The following SPIN1 variants were observed in gnomAD, a reference collection of about 807,000 sequenced individuals.
The protein encoded by SPIN1 is spindlin-1.
SPIN1 carries 3 observed loss-of-function variants against 26.0 expected under a neutral mutation model. That is an observed-to-expected ratio of 0.12 (90% CI 0.05 to 0.30). The LOEUF (loss-of-function observed/expected upper bound fraction) is 0.30. SPIN1 is among the 10% of genes least tolerant of loss of function. SPIN1 has a pLI of 1.00. For synonymous variants in SPIN1, 101 were observed against 116.5 expected (o/e 0.87, Z 0.86); for missense variants, 126 against 333.4 (o/e 0.38, Z 4.84).
At chr9:88,449,049 C>T in intron 3 of SPIN1, 60 bp downstream of exon 3, 1 of 1,552,968 alleles carries the variant, frequency 6.4e-7, no homozygotes, top group Admixed American at 1.7e-5. Context: ...ACGCAGCATA[C>T]AAGATCACCT....
chr9:88,465,657 T>C (rs112183546), intron 4 of SPIN1, among the ~76,000 whole-genome samples: 1 of 152,224 alleles, frequency 6.6e-6, no homozygotes, highest in African/African-American at 2.4e-5. Flanking sequence ...TGATTTTTGT[T>C]GAGTTGTGAG....
In SPIN1 at chr9:88,476,224, T is replaced by C. The variant is rs1372656982; in HGVS notation, c.*947T>C. The C allele has an allele frequency of 6.6e-6, 1 of 152,204 alleles. No homozygotes were observed. Among genetic ancestry groups the C allele is most frequent in the Admixed American group, 6.5e-5 (1 of 15,270 alleles). The allele number at this position is 152,204 out of a possible 1,614,324, so 9.4% of individuals were successfully genotyped here. Reference sequence around the variant, plus strand: ...AGTAATCTGGATTTCAGTACATGGATTTAAAAGGCAACAATCCATCACTGG... The same window carrying C: ...AGTAATCTGGATTTCAGTACATGGACTTAAAAGGCAACAATCCATCACTGG... On this transcript the variant is annotated 3_prime_UTR_variant, in exon 6 of 6. Transcript: ENST00000375859.
At chr9:88,431,359 C>T (rs866011488) in intron 2 of SPIN1, among the ~76,000 whole-genome samples, 3 of 149,184 alleles carry the variant, frequency 2.0e-5, no homozygotes, top group Middle Eastern at 3.7e-3. Flanking sequence ...GGCATGATCT[C>T]GGCTCATTGC....
intron 4 of SPIN1, among the ~76,000 whole-genome samples, chr9:88,463,817 T>C (rs191744713): frequency 6.6e-6 from 1 of 152,342 alleles, no homozygotes; most frequent in Non-Finnish European, 1.5e-5. Context: ...TTCTCATCTA[T>C]TCTTAAGTGT....
chr9:88,394,075 C>T (rs1826998224), intron 1 of SPIN1, among the ~76,000 whole-genome samples: 1 of 152,122 alleles, frequency 6.6e-6, no homozygotes, highest in South Asian at 2.1e-4. Flanking sequence ...TCTCAAACTC[C>T]CAAGCTCAAG....
At chr9:88,401,829 T>G (rs1434237964) in intron 1 of SPIN1, among the ~76,000 whole-genome samples, 1 of 152,246 alleles carries the variant, frequency 6.6e-6, no homozygotes, top group East Asian at 1.9e-4. Flanking sequence ...GTGTCTGTTT[T>G]AAGCCTTTGC....
chr9:88,428,045 T>G (rs1174915087), intron 2 of SPIN1, among the ~76,000 whole-genome samples: 4 of 152,208 alleles, frequency 2.6e-5, no homozygotes, highest in African/African-American at 9.6e-5. Context: ...TCTCATTAAT[T>G]GAAAAAATTG....
chr9:88,404,261 A>G (rs1200890455), intron 1 of SPIN1, among the ~76,000 whole-genome samples: 4 of 152,182 alleles, frequency 2.6e-5, no homozygotes, highest in African/African-American at 7.2e-5. Context: ...ATTGTGCACT[A>G]TTGTAGACTG....
chr9:88,404,915 CAAAAA>C (rs112038274), intron 1 of SPIN1, among the ~76,000 whole-genome samples: 11 of 83,934 alleles, frequency 1.3e-4, no homozygotes, highest in Middle Eastern at 5.9e-3. Context: ...GATTTCGTCT[CAAAAA>C]AAAAAAAAAC....
intron 1 of SPIN1, among the ~76,000 whole-genome samples, chr9:88,399,908 TC>T (rs1339889736): frequency 1.3e-5 from 2 of 152,166 alleles, no homozygotes; most frequent in African/African-American, 2.4e-5. Context: ...CAAATGTAAT[TC>T]CTAATTTGTG....
chr9:88,408,975 GTGTGTT>G (rs1272334901), intron 1 of SPIN1, among the ~76,000 whole-genome samples: 5 of 127,732 alleles, frequency 3.9e-5, no homozygotes, highest in African/African-American at 1.4e-4. Flanking sequence ...TTGTGTTTGT[GTGTGTT>G]TGTGTGTGTG....
At chr9:88,468,290 C>T in intron 4 of SPIN1, 82 bp from the exon 5 acceptor site, 1 of 1,041,514 alleles carries the variant, frequency 9.6e-7, no homozygotes, top group South Asian at 1.9e-5. Context: ...TCAGGTGTAG[C>T]CTTCTTTAGT....
chr9:88,468,427 G>A lies in SPIN1; in HGVS notation c.411G>A (p.Val137=), dbSNP rs199929575. The change falls in exon 5 of 6, where the codon GTG becomes GTA. Residue 137 remains valine (V), a synonymous_variant. Coordinates refer to ENST00000375859, the MANE Select transcript of SPIN1 (RefSeq NM_006717.3). ...HLADTMIGKA[V]EHMFETEDGS... is the part of the protein sequence containing the mutation. ...CAGACACAATGATTGGCAAAGCAGT[G>A]GAACATATGTTTGAGACAGAGGATG... 13 of 1,612,020 alleles carry A rather than the reference G, an allele frequency of 8.1e-6. No individual in the cohort carries two copies. The South Asian group carries it at 8.8e-5, about 11-fold the overall frequency.
At chr9:88,400,096 T>C (rs1374506519) in intron 1 of SPIN1, among the ~76,000 whole-genome samples, 1 of 152,180 alleles carries the variant, frequency 6.6e-6, no homozygotes, top group Non-Finnish European at 1.5e-5. Context: ...CTGAAAAACC[T>C]GTAATTGGCC....
At chr9:88,460,723 T>A (rs1364644338) in intron 3 of SPIN1, among the ~76,000 whole-genome samples, 1 of 152,094 alleles carries the variant, frequency 6.6e-6, no homozygotes, top group Non-Finnish European at 1.5e-5. Context: ...TCCTCTACCT[T>A]TTGTTCTATT....
intron 1 of SPIN1, among the ~76,000 whole-genome samples, chr9:88,415,850 T>TCTCCTGCCTCAGC (rs1406979131): frequency 9.9e-5 from 15 of 151,492 alleles, no homozygotes; most frequent in Non-Finnish European, 8.8e-5. Flanking sequence ...TTCATGCCAG[T>TCTCCTGCCTCAGC]CTCCTGCCTC....
Position 88,426,477 on chromosome 9 carries a change from A to G in SPIN1, c.-63A>G. 1 of 1,375,770 alleles carries G rather than the reference A, an allele frequency of 7.3e-7. No homozygotes were observed. The highest frequency in any genetic ancestry group is 1.8e-5 in the Admixed American group (1 of 54,868). The allele number at this position is 1,375,770 out of a possible 1,614,324, so 85.2% of individuals were successfully genotyped here. On this transcript the variant is annotated 5_prime_UTR_variant, in exon 2 of 6. Transcript: ENST00000375859. Reference sequence around the variant, plus strand: ...ACTAACATTCTGTGAAAAGTTTCAAATTGGAGAATATTGAATTTTCACCCT... The same window carrying G: ...ACTAACATTCTGTGAAAAGTTTCAAGTTGGAGAATATTGAATTTTCACCCT...
intron 1 of SPIN1, among the ~76,000 whole-genome samples, chr9:88,400,595 C>T (rs918829540): frequency 1.2e-4 from 19 of 152,150 alleles, no homozygotes; most frequent in Admixed American, 7.2e-4. Flanking sequence ...CCTGTAATCC[C>T]AGCACTTTGG....
chr9:88,425,577 C>G (rs1356719307), intron 1 of SPIN1, among the ~76,000 whole-genome samples: 3 of 151,500 alleles, frequency 2.0e-5, no homozygotes. Flanking sequence ...ACTCCGGAGG[C>G]TGAGGCAGAA....
Sources: allele counts gnomAD v4.1 joint callset (sites outside exome capture counted in the v4.1 genomes callset), GRCh38; gene constraint gnomAD v4.1.1; transcripts MANE v1.5; gene names NCBI Gene and HGNC (gene_info 2026-07-23, HGNC 2026-07-21).